Variants in SYN3 observed in about 807,000 individuals in gnomAD.
SYN3 encodes synapsin-3.
SYN3 carries 35 observed loss-of-function variants against 65.8 expected under a neutral mutation model. The observed-to-expected ratio is 0.53, with a 90% CI of 0.41 to 0.70. The LOEUF is 0.70. SYN3 is among the 30% of genes least tolerant of loss of function. The probability of loss-of-function intolerance (pLI) is 0.00; values close to 1 mark genes in which losing one functional copy is unlikely to be tolerated. For missense variants in SYN3, 680 were observed against 749.0 expected, an observed-to-expected ratio of 0.91 and a Z score of 1.08; for synonymous variants, 270 against 292.9, an observed-to-expected ratio of 0.92 and a Z score of 0.80.
At chr22:33,029,123 A>C (rs577721403) in intron 1 of SYN3, among the ~76,000 whole-genome samples, 3 of 151,264 alleles carry the variant, frequency 2.0e-5, no homozygotes, top group South Asian at 4.2e-4. Flanking sequence ...GGAAGTCAGG[A>C]AGTGCTATCA....
intron 6 of SYN3, among the ~76,000 whole-genome samples, chr22:32,750,377 G>A (rs58039541): frequency 0.37 from 56,306 of 151,866 alleles, 10,656 homozygotes; most frequent in South Asian, 0.44. Flanking sequence ...CAATGGCCTC[G>A]AACTTGGAGC....
At chr22:33,031,833 G>T (rs2053760440) in intron 1 of SYN3, among the ~76,000 whole-genome samples, 2 of 152,126 alleles carry the variant, frequency 1.3e-5, no homozygotes, top group African/African-American at 4.8e-5. Context: ...TCCTGGCTGT[G>T]ATGGGAAGGG....
chr22:32,588,606 C>T (rs1325277810), intron 7 of SYN3, among the ~76,000 whole-genome samples: 2 of 152,202 alleles, frequency 1.3e-5, no homozygotes, highest in Admixed American at 6.5e-5. Flanking sequence ...ATCATCATTA[C>T]AACCCTGGGA....
At chr22:32,775,660 C>T (rs1430821134) in intron 6 of SYN3, among the ~76,000 whole-genome samples, 1 of 151,850 alleles carries the variant, frequency 6.6e-6, no homozygotes, top group Admixed American at 6.6e-5. Flanking sequence ...GCCATAAGTC[C>T]TTGAGATCAG....
intron 6 of SYN3, among the ~76,000 whole-genome samples, chr22:32,723,653 C>T (rs943599731): frequency 6.6e-6 from 1 of 152,250 alleles, no homozygotes; most frequent in South Asian, 2.1e-4. Flanking sequence ...AATTTCAGCT[C>T]TGGGCTCGGC....
At chr22:33,009,184 T>A (rs542913303) in intron 1 of SYN3, among the ~76,000 whole-genome samples, 10 of 152,234 alleles carry the variant, frequency 6.6e-5, no homozygotes, top group African/African-American at 1.9e-4. Flanking sequence ...TAAGTGTATG[T>A]CTAAATAAGA....
Position 32,518,053 on chromosome 22 carries a change from G to A in SYN3, c.1600C>T (p.Pro534Ser), listed in dbSNP as rs765046618. Reference protein sequence around the residue: ...EESKKPAPPHPHLNKSQSLTN... With the variant: ...EESKKPAPPHSHLNKSQSLTN... ...TCCCAAAGCACTTACTTGAGATGCG[G>A]ATGGGGTGGTGCTGGCTTCTTGGAC... The change falls in exon 13 of 14, where the codon CCG (proline) becomes TCG (serine). Residue 534 changes from proline (P) to serine (S), a missense_variant. Coordinates refer to ENST00000358763, the MANE Select transcript of SYN3 (RefSeq NM_003490.4). 6.6e-7 allele frequency: 1 copy of A among 1,520,668 alleles called. No individual in the cohort carries two copies. Among genetic ancestry groups the A allele is most frequent in the East Asian group, 2.3e-5 (1 of 44,004 alleles). 94.2% of individuals were successfully genotyped at this position (1,520,668 alleles called of 1,614,324 possible). A position where few individuals can be genotyped will look rare whatever the true frequency, so the allele number is the denominator to read the frequency against.
Position 32,512,950 on chromosome 22 carries a change from C to A in SYN3, c.*742G>T, listed in dbSNP as rs1418814247. 1 of 152,174 alleles carries A rather than the reference C, an allele frequency of 6.6e-6. No homozygotes were observed. The allele number at this position is 152,174 out of a possible 1,614,324, so 9.4% of individuals were successfully genotyped here. A position where few individuals can be genotyped will look rare whatever the true frequency, so the allele number is the denominator to read the frequency against. ...TCTCCTTTGTAAACTAGTCTTTATT[C>A]CTACAATAACCTGTGATCTGCCCTT... On this transcript the variant is annotated 3_prime_UTR_variant, in exon 14 of 14. Transcript: ENST00000358763.
intron 4 of SYN3, among the ~76,000 whole-genome samples, chr22:32,902,863 C>G (rs975682394): frequency 3.9e-5 from 5 of 129,218 alleles, no homozygotes; most frequent in Non-Finnish European, 8.3e-5. Flanking sequence ...AAGCATAACC[C>G]CTGGAGACAA....
chr22:32,762,332 G>A (rs1016106241), intron 6 of SYN3, among the ~76,000 whole-genome samples: 38 of 150,794 alleles, frequency 2.5e-4, no homozygotes, highest in Non-Finnish European at 4.1e-4. Flanking sequence ...GGGTTATAGC[G>A]GTGGGCTGGG....
chr22:32,714,571 CT>C (rs59806091), intron 6 of SYN3, among the ~76,000 whole-genome samples: 2,870 of 145,772 alleles, frequency 0.02, 28 homozygotes, highest in East Asian at 0.032. Context: ...AGTAACTTTT[CT>C]TTTTTTTTTT....
chr22:33,009,255 C>G (rs1286869889), intron 1 of SYN3, among the ~76,000 whole-genome samples: 7 of 152,132 alleles, frequency 4.6e-5, no homozygotes, highest in African/African-American at 1.7e-4. Context: ...TGAGAGTTCC[C>G]GTTCCTCCAC....
chr22:32,924,322 C>T (rs1197601063), intron 4 of SYN3, among the ~76,000 whole-genome samples: 2 of 152,190 alleles, frequency 1.3e-5, no homozygotes, highest in African/African-American at 2.4e-5. Flanking sequence ...GTCTGACATC[C>T]TGTAACAAAT....
chr22:33,007,186 C>G (rs767924891), intron 1 of SYN3, among the ~76,000 whole-genome samples: 1 of 152,084 alleles, frequency 6.6e-6, no homozygotes, highest in East Asian at 1.9e-4. Context: ...TTTAAAGGTG[C>G]CCTGAAGAAC....
At chr22:32,536,714 T>G (rs1386461633) in intron 9 of SYN3, among the ~76,000 whole-genome samples, 1 of 152,202 alleles carries the variant, frequency 6.6e-6, no homozygotes, top group African/African-American at 2.4e-5. Context: ...AACCTGACAC[T>G]GTGAGGATGA....
At chr22:32,588,565 C>T (rs1401009561) in intron 7 of SYN3, among the ~76,000 whole-genome samples, 4 of 152,182 alleles carry the variant, frequency 2.6e-5, no homozygotes, top group African/African-American at 7.2e-5. Flanking sequence ...ACTGAACCAA[C>T]CACCTTCCTA....
intron 4 of SYN3, among the ~76,000 whole-genome samples, chr22:32,924,112 C>T (rs768041675): frequency 3.3e-5 from 5 of 152,168 alleles, no homozygotes; most frequent in East Asian, 1.9e-4. Flanking sequence ...GTTGATTTCA[C>T]GTCTTTGCTA....
At chr22:33,008,084 C>T (rs2053243587) in intron 1 of SYN3, among the ~76,000 whole-genome samples, 1 of 151,984 alleles carries the variant, frequency 6.6e-6, no homozygotes, top group Admixed American at 6.6e-5. Context: ...TTACAGGCAC[C>T]CACCACCACG....
chr22:32,925,891 G>A (rs1275134317), intron 4 of SYN3, among the ~76,000 whole-genome samples: 1 of 134,340 alleles, frequency 7.4e-6, no homozygotes, highest in Non-Finnish European at 1.6e-5. Flanking sequence ...TTGTGGCAGG[G>A]TCTCAATCTG....
Sources: allele counts gnomAD v4.1 joint callset (sites outside exome capture counted in the v4.1 genomes callset), GRCh38; gene constraint gnomAD v4.1.1; transcripts MANE v1.5; gene names NCBI Gene and HGNC (gene_info 2026-07-23, HGNC 2026-07-21).